STK36: variants seen among roughly 807,000 people sequenced by gnomAD.
The protein encoded by STK36 is serine/threonine-protein kinase 36.
Under a neutral mutation model 142.2 loss-of-function variants are expected in STK36, and 116 were observed. The observed-to-expected ratio is 0.82, with a 90% CI of 0.70 to 0.95. The LOEUF (loss-of-function observed/expected upper bound fraction) is 0.95. Among genes scored for constraint, STK36 ranks in the 40% least tolerant of loss-of-function variants. The pLI is 0.00. For synonymous variants in STK36, 619 were observed against 641.7 expected (o/e 0.96, Z 0.53); for missense variants, 1,422 against 1,617.2 (o/e 0.88, Z 2.07).
intron 10 of STK36, among the ~76,000 whole-genome samples, chr2:218,680,963 C>A (rs1421350327): frequency 6.6e-6 from 1 of 152,170 alleles, no homozygotes; most frequent in Non-Finnish European, 1.5e-5. Context: ...TCCGTCTCCT[C>A]CCAAACTTTC....
chr2:218,679,395 T>C, intron 7 of STK36, 134 bp downstream of exon 7: 1 of 1,250,816 alleles, frequency 8.0e-7, no homozygotes, highest in Non-Finnish European at 1.1e-6. Flanking sequence ...TCCTAGCCCT[T>C]CACTTAACCT....
chr2:218,699,719 T>C (rs1026055178), intron 26 of STK36, among the ~76,000 whole-genome samples: 3 of 152,190 alleles, frequency 2.0e-5, no homozygotes, highest in Non-Finnish European at 4.4e-5. Context: ...AAAAGCACGA[T>C]GCTAAGCATT....
In STK36 at chr2:218,693,130, T is replaced by G. The variant is rs1343047574; in HGVS notation, c.2044-110T>G. The stretch of plus-strand genomic sequence containing the variant: ...TGGGGTCTGAGGTTTCTGGTGAATG[T>G]GGGAAGAGTGACTAGGAAGAGACTG... On this transcript the variant is annotated intron_variant, in intron 16 of 26. Transcript: ENST00000295709. The G allele has an allele frequency of 6.6e-6, 6 of 904,632 alleles. No individual in the cohort carries two copies. In the African/African-American group the frequency reaches 1.0e-4, roughly 15 times the overall value. 56.0% of individuals were successfully genotyped at this position (904,632 alleles called of 1,614,324 possible).
rs1941127901 is a variant in STK36, at chr2:218,694,190, G to A, written c.2337-74G>A. On this transcript the variant is annotated intron_variant, in intron 19 of 26. Coordinates refer to ENST00000295709, the MANE Select transcript of STK36 (RefSeq NM_015690.5). The surrounding 1 kb of genome is among the most constrained non-coding windows in gnomAD (Gnocchi z 4.4). Reference sequence around the variant, plus strand: ...ATGCAGCCTAGGTGAAGAACACCATGCAAGGGAGAGGGGAGGCCGCTTACC... The same window carrying A: ...ATGCAGCCTAGGTGAAGAACACCATACAAGGGAGAGGGGAGGCCGCTTACC... 4 of 1,327,080 alleles carry A rather than the reference G, an allele frequency of 3.0e-6. No individual in the cohort carries two copies. Among genetic ancestry groups the A allele is most frequent in the Admixed American group, 3.4e-5 (2 of 59,506 alleles). The allele number at this position is 1,327,080 out of a possible 1,614,324, so 82.2% of individuals were successfully genotyped here.
rs541584714 is a variant in STK36 at position 218,679,366 on chromosome 2, C to T, written c.778+105C>T. On this transcript the variant is annotated intron_variant, in intron 7 of 26. Coordinates refer to ENST00000295709, the MANE Select transcript of STK36 (RefSeq NM_015690.5). ...CTAGATATAACATGTCGTCTTTCCT[C>T]CAGCAGCTTGAACTTTCTTCCTAGC... The T allele has an allele frequency of 8.8e-5, 117 of 1,329,990 alleles. No individual in the cohort carries two copies. In the African/African-American group the frequency reaches 1.6e-3, roughly 18 times the overall value. 82.4% of individuals were successfully genotyped at this position (1,329,990 alleles called of 1,614,324 possible). A position where few individuals can be genotyped will look rare whatever the true frequency, so the allele number is the denominator to read the frequency against.
intron 25 of STK36, 98 bp downstream of exon 25, chr2:218,698,099 G>C: frequency 6.6e-7 from 1 of 1,519,470 alleles, no homozygotes. Flanking sequence ...CTAGGCCCCT[G>C]TAAGCATGGA....
At chr2:218,696,755 A>G (rs1941247749) in intron 22 of STK36, 154 bp downstream of exon 22, 3 of 938,416 alleles carry the variant, frequency 3.2e-6, no homozygotes, top group Non-Finnish European at 5.2e-6. Context: ...GCCTGCCCTC[A>G]GTACTGACCC....
At chr2:218,685,495 A>C (rs1000101842) in intron 11 of STK36, among the ~76,000 whole-genome samples, 1 of 152,212 alleles carries the variant, frequency 6.6e-6, no homozygotes, top group Non-Finnish European at 1.5e-5. Flanking sequence ...GCCACCAGGC[A>C]AAAATGGAGG....
At chr2:218,687,703 T>C (rs191542654) in intron 11 of STK36, among the ~76,000 whole-genome samples, 24 of 152,352 alleles carry the variant, frequency 1.6e-4, no homozygotes, top group African/African-American at 4.1e-4. Context: ...ACTTGACTTA[T>C]GCAGAAGCTT....
chr2:218,682,728 G>C (rs139309969), intron 10 of STK36, among the ~76,000 whole-genome samples: 5 of 151,892 alleles, frequency 3.3e-5, no homozygotes, highest in African/African-American at 1.2e-4. Context: ...TGAGTAGCTG[G>C]GACTACAGGC....
In STK36 at chr2:218,694,797, G is replaced by A. The variant is rs1000645489; in HGVS notation, c.2511+162G>A. Among the ~76,000 whole-genome samples, 1 of 152,246 alleles carries A rather than the reference G, an allele frequency of 6.6e-6. No homozygotes were observed. ...TTTCTAGATTTGTCGCCGGATGATA[G>A]GCCCCTCTGAGCCCAGATTGATCTG... On this transcript the variant is annotated intron_variant, in intron 21 of 26. Transcript: ENST00000295709. The surrounding 1 kb of genome is among the most constrained non-coding windows in gnomAD (Gnocchi z 4.4).
At position 218,697,201 on chromosome 2, in the gene STK36, A is replaced by G. The variant is rs368042512; in HGVS notation, c.2749A>G (p.Ile917Val). ...AAGCCCTGAGCCAGACTGGACACTG[A>G]TTTCTCCCCAGGGTATCTTTCTATC... ...PPSPEPDWTL[I>V]SPQGMAALLS... The change falls in exon 23 of 27, where the codon ATT becomes GTT. Residue 917 changes from isoleucine (I) to valine (V), a missense_variant. Ile to Val is a conservative substitution (Grantham distance 29, BLOSUM62 3). Coordinates refer to ENST00000295709, the MANE Select transcript of STK36 (RefSeq NM_015690.5). 22 of 1,612,180 alleles carry G rather than the reference A, an allele frequency of 1.4e-5. No homozygotes were observed. The highest frequency in any genetic ancestry group is 1.8e-5 in the Non-Finnish European group (21 of 1,179,432).
At chr2:218,672,518 A>G in intron 1 of STK36, 1 of 366,496 alleles carries the variant, frequency 2.7e-6, no homozygotes. Flanking sequence ...CGAGTGAGCC[A>G]GGCTGGGTGA....
At chr2:218,691,460 A>T (rs1940994559) in intron 14 of STK36, among the ~76,000 whole-genome samples, 1 of 152,194 alleles carries the variant, frequency 6.6e-6, no homozygotes, top group African/African-American at 2.4e-5. Context: ...GTCATATGCT[A>T]TGAATAGAAT....
chr2:218,701,314 T>G lies in STK36; in HGVS notation c.3805-552T>G, dbSNP rs1214104426. On this transcript the variant is annotated intron_variant, in intron 26 of 26. Coordinates refer to ENST00000295709, the MANE Select transcript of STK36 (RefSeq NM_015690.5). Reference sequence around the variant, plus strand: ...ACCCAGCTAATTTTTTGTATTTTTTTTTTTTTTAGTAGAGACGGGGTTTCA... The same window carrying G: ...ACCCAGCTAATTTTTTGTATTTTTTGTTTTTTTAGTAGAGACGGGGTTTCA... Among the ~76,000 whole-genome samples the G allele has an allele frequency of 4.6e-5, 7 of 151,550 alleles. No homozygotes were observed. In the South Asian group the frequency reaches 1.5e-3, roughly 32 times the overall value.
chr2:218,697,015 G>A (rs199700551), intron 22 of STK36, 24 bp from the exon 23 acceptor site: 276 of 1,612,090 alleles, frequency 1.7e-4, no homozygotes, highest in Non-Finnish European at 2.2e-4. Context: ...CTTTCCCCCC[G>A]CCCTCTTTCA....
Position 218,702,389 on chromosome 2 carries a change from A to G in STK36, c.*380A>G, listed in dbSNP as rs1941473716. 5.9e-6 allele frequency: 1 copy of G among 170,774 alleles called. No homozygotes were observed. Among genetic ancestry groups the G allele is most frequent in the Non-Finnish European group, 1.2e-5 (1 of 80,332 alleles). 10.6% of individuals were successfully genotyped at this position (170,774 alleles called of 1,614,324 possible). A position where few individuals can be genotyped will look rare whatever the true frequency, so the allele number is the denominator to read the frequency against. On this transcript the variant is annotated 3_prime_UTR_variant, in exon 27 of 27. Transcript: ENST00000295709. ...TCTTCCCAGCAGGTTTTTGCCTTAG[A>G]CGTGCTGGCCCCAGGACAGTGATGA...
At chr2:218,690,895 C>T (rs937147935) in intron 14 of STK36, among the ~76,000 whole-genome samples, 3 of 152,128 alleles carry the variant, frequency 2.0e-5, no homozygotes, top group African/African-American at 7.2e-5. Flanking sequence ...GAAGAAATCT[C>T]GAAGAAGGAA....
At chr2:218,689,147 T>G (rs1054389379) in intron 12 of STK36, among the ~76,000 whole-genome samples, 4 of 152,276 alleles carry the variant, frequency 2.6e-5, no homozygotes, top group Middle Eastern at 3.4e-3. Context: ...AGTAGAGGCA[T>G]CCTTTCCTCA....
Sources: allele counts gnomAD v4.1 joint callset (sites outside exome capture counted in the v4.1 genomes callset), GRCh38; gene constraint gnomAD v4.1.1; non-coding constraint Gnocchi (gnomAD v3.1); transcripts MANE v1.5; gene names NCBI Gene and HGNC (gene_info 2026-07-23, HGNC 2026-07-21).